The following GHR variants were observed in gnomAD, a reference collection of about 807,000 sequenced individuals.
The protein encoded by GHR is GH receptor.
In GHR, 35 loss-of-function variants were observed where a neutral mutation model predicts 67.1. That is an observed-to-expected ratio of 0.52 (90% confidence interval 0.40 to 0.69). The LOEUF is 0.69. GHR is among the 30% of genes least tolerant of loss of function. GHR has a pLI of 0.00. For missense variants in GHR, 792 were observed against 764.6 expected, an observed-to-expected ratio of 1.04 and a Z score of -0.42; for synonymous variants, 272 against 269.1, an observed-to-expected ratio of 1.01 and a Z score of -0.10.
At chr5:42,694,850 C>T in intron 4 of GHR, 67 bp from the exon 5 acceptor site, 1 of 1,189,412 alleles carries the variant, frequency 8.4e-7, no homozygotes, top group South Asian at 1.2e-5. Context: ...TATCAAGCAC[C>T]TTACTTGGAC....
chr5:42,675,289 A>G (rs1756516018), intron 3 of GHR, among the ~76,000 whole-genome samples: 1 of 152,220 alleles, frequency 6.6e-6, no homozygotes, highest in Non-Finnish European at 1.5e-5. Context: ...AACATTATTA[A>G]AATCTTGTTG....
intron 3 of GHR, among the ~76,000 whole-genome samples, chr5:42,633,506 G>A (rs1482897488): frequency 6.6e-6 from 1 of 152,060 alleles, no homozygotes; most frequent in African/African-American, 2.4e-5. Context: ...ACTTCATCTT[G>A]CTTGTCCAGG....
chr5:42,672,063 G>A (rs769116289), intron 3 of GHR, among the ~76,000 whole-genome samples: 3 of 151,964 alleles, frequency 2.0e-5, no homozygotes, highest in Admixed American at 2.0e-4. Flanking sequence ...GCAAAAACTG[G>A]AAGCGTTCCC....
At position 42,467,002 on chromosome 5, in the gene GHR, G is replaced by A. The variant is rs1488356847; in HGVS notation, c.-12+43047G>A. 18 of 1,550,746 alleles carry A rather than the reference G, an allele frequency of 1.2e-5. No homozygotes were observed. In the South Asian group the frequency reaches 1.2e-4, roughly 10 times the overall value. ...CCCAGTGTGGGTTCTCTGGTGCACCGTGAGGCTCAACCTCTGTCTGAAGGC... is the reference window on the plus strand; with the variant it reads ...CCCAGTGTGGGTTCTCTGGTGCACCATGAGGCTCAACCTCTGTCTGAAGGC... On this transcript the variant is annotated intron_variant, in intron 1 of 9. Transcript: ENST00000230882.
intron 1 of GHR, among the ~76,000 whole-genome samples, chr5:42,508,825 C>T (rs565846240): frequency 4.1e-4 from 62 of 152,306 alleles, no homozygotes; most frequent in African/African-American, 1.4e-3. Flanking sequence ...CCACCCGGCT[C>T]GGCCTCCCAA....
chr5:42,655,079 A>T (rs182330961), intron 3 of GHR, among the ~76,000 whole-genome samples: 3 of 152,090 alleles, frequency 2.0e-5, no homozygotes, highest in Non-Finnish European at 4.4e-5. Context: ...TCTCCTATAT[A>T]GTCCAAAATA....
intron 1 of GHR, among the ~76,000 whole-genome samples, chr5:42,461,530 G>T (rs1168125336): frequency 1.3e-5 from 2 of 152,070 alleles, no homozygotes; most frequent in African/African-American, 2.4e-5. Context: ...TCATTTCTTT[G>T]GGGAGGCCTT....
intron 1 of GHR, among the ~76,000 whole-genome samples, chr5:42,540,183 T>TTCTCTC (rs57962722): frequency 0.067 from 9,700 of 144,356 alleles, 372 homozygotes; most frequent in Middle Eastern, 0.089. Context: ...TGTTACTGTA[T>TTCTCTC]TCTCTCTCTC....
At chr5:42,534,240 A>ATG (rs563544826) in intron 1 of GHR, among the ~76,000 whole-genome samples, 46 of 120,778 alleles carry the variant, frequency 3.8e-4, no homozygotes, top group African/African-American at 1.8e-3. Flanking sequence ...GTATATGTGT[A>ATG]TATATGTATA....
At chr5:42,708,082 G>T (rs947524703) in intron 6 of GHR, among the ~76,000 whole-genome samples, 1 of 152,022 alleles carries the variant, frequency 6.6e-6, no homozygotes, top group African/African-American at 2.4e-5. Flanking sequence ...AGGTCTGTTG[G>T]TGAGGAATGG....
intron 1 of GHR, among the ~76,000 whole-genome samples, chr5:42,459,650 C>T: frequency 6.6e-6 from 1 of 151,124 alleles, no homozygotes; most frequent in East Asian, 2.0e-4. Context: ...TGCATAGTAC[C>T]CCCGAACTTA....
At chr5:42,582,149 T>A (rs911094619) in intron 2 of GHR, among the ~76,000 whole-genome samples, 2 of 152,198 alleles carry the variant, frequency 1.3e-5, no homozygotes, top group African/African-American at 4.8e-5. Context: ...AGGCGCCCCT[T>A]GGCATGAACA....
intron 1 of GHR, among the ~76,000 whole-genome samples, chr5:42,510,729 T>A (rs1192205933): frequency 6.6e-6 from 1 of 152,102 alleles, no homozygotes; most frequent in Non-Finnish European, 1.5e-5. Context: ...GGAGCTGAGA[T>A]GAGACAGATG....
chr5:42,501,999 A>T (rs537354258), intron 1 of GHR, among the ~76,000 whole-genome samples: 1 of 152,318 alleles, frequency 6.6e-6, no homozygotes, highest in East Asian at 1.9e-4. Context: ...CAGCCCATTC[A>T]TATCCCTCCT....
chr5:42,445,860 A>G lies in GHR; in HGVS notation c.-12+21905A>G, dbSNP rs189646645. On this transcript the variant is annotated intron_variant, in intron 1 of 9. Coordinates refer to ENST00000230882, the MANE Select transcript of GHR (RefSeq NM_000163.5). ...TTGTCTCTTGGTGATAGTTCTTTAC[A>G]TATTGAAGTGCCAGGGAATAACTGT... 3.6e-4 allele frequency among the ~76,000 whole-genome samples: 55 copies of G among 152,328 alleles called. 1 individual carries two copies. The highest frequency in any genetic ancestry group is 1.2e-3 in the African/African-American group (51 of 41,582).
At chr5:42,507,622 G>A (rs1290315953) in intron 1 of GHR, among the ~76,000 whole-genome samples, 3 of 152,194 alleles carry the variant, frequency 2.0e-5, no homozygotes, top group African/African-American at 4.8e-5. Context: ...CAGAAGTATG[G>A]GTAGGATTAA....
At chr5:42,492,079 T>C (rs1416652550) in intron 1 of GHR, among the ~76,000 whole-genome samples, 1 of 152,216 alleles carries the variant, frequency 6.6e-6, no homozygotes, top group East Asian at 1.9e-4. Flanking sequence ...TGGCTTTTCC[T>C]TATACTCTGT....
chr5:42,614,803 G>A (rs1753063265), intron 2 of GHR, among the ~76,000 whole-genome samples: 1 of 151,900 alleles, frequency 6.6e-6, no homozygotes, highest in African/African-American at 2.4e-5. Context: ...GTTGGCTCCA[G>A]GGAGTTTGAA....
intron 3 of GHR, among the ~76,000 whole-genome samples, chr5:42,688,474 G>A (rs1245829552): frequency 6.6e-6 from 1 of 152,090 alleles, no homozygotes; most frequent in Non-Finnish European, 1.5e-5. Flanking sequence ...GAGGGATTGG[G>A]CCCCATTAGC....
Sources: allele counts gnomAD v4.1 joint callset (sites outside exome capture counted in the v4.1 genomes callset), GRCh38; gene constraint gnomAD v4.1.1; transcripts MANE v1.5; gene names NCBI Gene and HGNC (gene_info 2026-07-23, HGNC 2026-07-21).